Variants in ZNF708 observed in about 807,000 individuals in gnomAD.
ZNF708 encodes the protein zinc finger protein 708.
In ZNF708, 44 loss-of-function variants were observed where a neutral mutation model predicts 47.0. That is an observed-to-expected ratio of 0.94 (90% CI 0.74 to 1.20). The LOEUF is 1.20. Ranked by LOEUF, ZNF708 falls within the 50% of genes most tolerant of loss-of-function variation. The pLI is 0.00. For missense variants in ZNF708, 557 were observed against 656.0 expected (o/e 0.85, Z 1.65); for synonymous variants, 184 against 218.5 (o/e 0.84, Z 1.39).
chr19:21,298,277 A>C (rs1337482064), intron 3 of ZNF708, among the ~76,000 whole-genome samples: 1 of 151,884 alleles, frequency 6.6e-6, no homozygotes, highest in Non-Finnish European at 1.5e-5. Flanking sequence ...CTGTTAGGCC[A>C]AAAAAAATTC....
intron 1 of ZNF708, among the ~76,000 whole-genome samples, chr19:21,319,612 A>G (rs935671110): frequency 6.6e-6 from 1 of 152,024 alleles, no homozygotes; most frequent in Non-Finnish European, 1.5e-5. Context: ...CACCACGCCC[A>G]GCTAATTTTG....
intron 3 of ZNF708, chr19:21,307,068 T>TATAAA (rs1415445127): frequency 1.0e-5 from 1 of 95,308 alleles, no homozygotes; most frequent in South Asian, 3.0e-4. Context: ...TAAAATAAAA[T>TATAAA]ATAAAATAAA....
At chr19:21,320,484 G>C (rs1298330309) in intron 1 of ZNF708, among the ~76,000 whole-genome samples, 1 of 151,788 alleles carries the variant, frequency 6.6e-6, no homozygotes, top group Non-Finnish European at 1.5e-5. Context: ...TCAGAAGTTT[G>C]AGACCAGCCT....
At chr19:21,328,003 T>G in intron 1 of ZNF708, 1 of 1,000,658 alleles carries the variant, frequency 1.0e-6, no homozygotes, top group Non-Finnish European at 1.2e-6. Context: ...GAGCTGATAT[T>G]CACTAGACAC....
In ZNF708 at chr19:21,291,356, A is replaced by G. The variant is rs1202027383; in HGVS notation, c.*1918T>C. On this transcript the variant is annotated 3_prime_UTR_variant, in exon 4 of 4. Coordinates refer to ENST00000356929, the MANE Select transcript of ZNF708 (RefSeq NM_021269.3). ...ATCTCCACTTAGATTTTCATCATGC[A>G]TGTTACATTTTAATGTCCTTACTCT... The G allele has an allele frequency of 2.0e-4, 30 of 152,106 alleles. No homozygotes were observed. The highest frequency in any genetic ancestry group is 2.0e-3 in the Admixed American group (30 of 15,262). 9.4% of individuals were successfully genotyped at this position (152,106 alleles called of 1,614,324 possible). A position where few individuals can be genotyped will look rare whatever the true frequency, so the allele number is the denominator to read the frequency against.
At chr19:21,313,462 A>T (rs2801870) in intron 1 of ZNF708, among the ~76,000 whole-genome samples, 2,599 of 152,072 alleles carry the variant, frequency 0.017, 85 homozygotes, top group African/African-American at 0.056. Context: ...TTGGTTTTTT[A>T]AAAAATGTGT....
intron 3 of ZNF708, among the ~76,000 whole-genome samples, chr19:21,306,581 A>G (rs118190166): frequency 0.011 from 1,711 of 152,324 alleles, 16 homozygotes; most frequent in Middle Eastern, 0.034. Flanking sequence ...AAATCTGTTG[A>G]TAATGCAATG....
At chr19:21,303,158 G>C (rs2145158946) in intron 3 of ZNF708, among the ~76,000 whole-genome samples, 1 of 152,174 alleles carries the variant, frequency 6.6e-6, no homozygotes, top group South Asian at 2.1e-4. Flanking sequence ...AGGCCGAAAT[G>C]AGAGGATCAT....
chr19:21,304,771 T>G (rs567865667), intron 3 of ZNF708, among the ~76,000 whole-genome samples: 1 of 152,152 alleles, frequency 6.6e-6, no homozygotes, highest in African/African-American at 2.4e-5. Flanking sequence ...AGCTCAAAAA[T>G]TTGAGGTAAA....
At chr19:21,316,888 G>A (rs796992768) in intron 1 of ZNF708, among the ~76,000 whole-genome samples, 2 of 151,750 alleles carry the variant, frequency 1.3e-5, no homozygotes, top group African/African-American at 4.8e-5. Flanking sequence ...CCAGGTTCAA[G>A]TGATTCTCCT....
chr19:21,318,699 C>T (rs1358768842), intron 1 of ZNF708: 1 of 152,184 alleles, frequency 6.6e-6, no homozygotes, highest in Non-Finnish European at 1.5e-5. Flanking sequence ...ATACAACTGA[C>T]AATTCACCAG....
chr19:21,323,902 A>C (rs1449814447), intron 1 of ZNF708, among the ~76,000 whole-genome samples: 1 of 152,212 alleles, frequency 6.6e-6, no homozygotes, highest in African/African-American at 2.4e-5. Context: ...CAGTGGGCTA[A>C]AGCTTTAATT....
intron 1 of ZNF708, among the ~76,000 whole-genome samples, chr19:21,321,756 T>C (rs938882556): frequency 6.7e-6 from 1 of 149,040 alleles, no homozygotes; most frequent in African/African-American, 2.5e-5. Context: ...GAGAGAAAAT[T>C]AGAAAAAAAT....
At chr19:21,325,514 T>C (rs944936925) in intron 1 of ZNF708, among the ~76,000 whole-genome samples, 1 of 152,168 alleles carries the variant, frequency 6.6e-6, no homozygotes, top group Admixed American at 6.5e-5. Flanking sequence ...GCTAGCCATA[T>C]GTAGGAGAAT....
At chr19:21,320,735 G>T (rs2145183895) in intron 1 of ZNF708, among the ~76,000 whole-genome samples, 1 of 144,388 alleles carries the variant, frequency 6.9e-6, no homozygotes, top group Non-Finnish European at 1.5e-5. Context: ...ACAAAATATG[G>T]CACATAAACA....
At chr19:21,304,221 A>C (rs1260163325) in intron 3 of ZNF708, among the ~76,000 whole-genome samples, 2 of 151,892 alleles carry the variant, frequency 1.3e-5, no homozygotes, top group Non-Finnish European at 2.9e-5. Context: ...CACATCACAC[A>C]GTAAGAGACA....
chr19:21,309,938 T>C (rs1469399671), intron 2 of ZNF708, among the ~76,000 whole-genome samples: 1 of 152,210 alleles, frequency 6.6e-6, no homozygotes, highest in African/African-American at 2.4e-5. Flanking sequence ...TGCCACTAAA[T>C]TTCTGGAATT....
intron 3 of ZNF708, among the ~76,000 whole-genome samples, chr19:21,304,794 G>A (rs1972727321): frequency 6.6e-6 from 1 of 152,078 alleles, no homozygotes; most frequent in African/African-American, 2.4e-5. Flanking sequence ...GATCACTTGA[G>A]CCCAGCAGGC....
At chr19:21,316,593 T>A (rs1973018102) in intron 1 of ZNF708, among the ~76,000 whole-genome samples, 1 of 152,218 alleles carries the variant, frequency 6.6e-6, no homozygotes, top group Non-Finnish European at 1.5e-5. Flanking sequence ...ATCTATTCAA[T>A]GCACACATGT....
Sources: allele counts gnomAD v4.1 joint callset (sites outside exome capture counted in the v4.1 genomes callset), GRCh38; gene constraint gnomAD v4.1.1; transcripts MANE v1.5; gene names NCBI Gene and HGNC (gene_info 2026-07-23, HGNC 2026-07-21).